Variants in ELFN1 observed in about 807,000 individuals in gnomAD.
The protein encoded by ELFN1 is extracellular leucine rich repeat and fibronectin type III domain containing 1.
A neutral mutation model predicts 7.6 loss-of-function variants in ELFN1; 6 were observed. The observed-to-expected ratio is 0.79, with a 90% CI of 0.43 to 1.56. The LOEUF is 1.56. ELFN1 is among the 40% of genes most tolerant of loss of function. The pLI, the probability that ELFN1 is intolerant of heterozygous loss-of-function variation, is 0.01. For missense variants in ELFN1, 1,169 were observed against 1,232.2 expected (o/e 0.95, Z 0.77); for synonymous variants, 657 against 588.1 (o/e 1.12, Z -1.70).
At chr7:1,698,264 A>G (rs942768880) in intron 2 of ELFN1, among the ~76,000 whole-genome samples, 1 of 152,246 alleles carries the variant, frequency 6.6e-6, no homozygotes, top group Non-Finnish European at 1.5e-5. Context: ...TCAAATTTAC[A>G]GCTCTCATAT....
chr7:1,743,136 C>T lies in ELFN1; in HGVS notation c.-293-1168C>T, dbSNP rs544896390. Among the ~76,000 whole-genome samples the T allele has an allele frequency of 3.3e-5, 5 of 152,280 alleles. No individual in the cohort carries two copies. In the East Asian group the frequency reaches 9.7e-4, roughly 29 times the overall value. On this transcript the variant is annotated intron_variant, in intron 3 of 3. Coordinates refer to ENST00000424383, the MANE Select transcript of ELFN1 (RefSeq NM_001128636.4). Reference sequence around the variant, plus strand: ...GAGCCCAGCGGGATGCCTCGCTCCCCGGACGTACCTCCAGCCCCGTCTGCA... The same window carrying T: ...GAGCCCAGCGGGATGCCTCGCTCCCTGGACGTACCTCCAGCCCCGTCTGCA...
intron 1 of ELFN1, among the ~76,000 whole-genome samples, chr7:1,682,108 T>G (rs1030328159): frequency 6.6e-6 from 1 of 152,226 alleles, no homozygotes; most frequent in Admixed American, 6.5e-5. Flanking sequence ...ATTTTTTAAC[T>G]TATTATAAAG....
chr7:1,682,502 A>G (rs974184479), intron 1 of ELFN1, among the ~76,000 whole-genome samples: 6 of 151,922 alleles, frequency 3.9e-5, no homozygotes, highest in African/African-American at 1.5e-4. Flanking sequence ...GTGCAGCGGT[A>G]TGATCACAGC....
chr7:1,727,199 G>A (rs1378944862), intron 3 of ELFN1, among the ~76,000 whole-genome samples: 3 of 152,232 alleles, frequency 2.0e-5, no homozygotes, highest in Non-Finnish European at 4.4e-5. Flanking sequence ...GAATGAATGA[G>A]CACACGAGGG....
chr7:1,681,327 C>T (rs935890073), intron 1 of ELFN1, among the ~76,000 whole-genome samples: 7 of 151,322 alleles, frequency 4.6e-5, no homozygotes, highest in African/African-American at 1.7e-4. Flanking sequence ...TGGGCAGCTT[C>T]CTGGAAGGAG....
Position 1,745,282 on chromosome 7 carries a change from A to G in ELFN1, c.686A>G (p.Tyr229Cys). Reference sequence around the variant, plus strand: ...GAGTCGCCGCCCGTCTACTCCGGCTACTACCTCCTGGGCCAGGGCCGCCGC... The same window carrying G: ...GAGTCGCCGCCCGTCTACTCCGGCTGCTACCTCCTGGGCCAGGGCCGCCGC... ...QCESPPVYSG[Y>C]YLLGQGRRGH... Residue 229 changes from tyrosine to cysteine, a missense_variant, in exon 4 of 4, where the codon TAC becomes TGC. Tyr to Cys is a radical substitution (Grantham distance 194). Around this residue, in one of 2 missense-constraint regions of ELFN1, gnomAD observed 255 missense variants for 359.6 expected, o/e 0.71. Transcript: ENST00000424383. The G allele has an allele frequency of 1.3e-6, 2 of 1,538,662 alleles. No homozygotes were observed. The highest frequency in any genetic ancestry group is 1.7e-6 in the Non-Finnish European group (2 of 1,146,820).
chr7:1,731,123 G>A (rs1212094823), intron 3 of ELFN1, among the ~76,000 whole-genome samples: 1 of 152,068 alleles, frequency 6.6e-6, no homozygotes, highest in Non-Finnish European at 1.5e-5. Context: ...GAGAAATTTA[G>A]GATCATTATG....
At chr7:1,685,153 TC>T (rs1331250502) in intron 1 of ELFN1, among the ~76,000 whole-genome samples, 2 of 152,204 alleles carry the variant, frequency 1.3e-5, no homozygotes, top group African/African-American at 4.8e-5. Context: ...TCCACCACCT[TC>T]TTTCCTCCAT....
chr7:1,681,925 C>T (rs1778982355), intron 1 of ELFN1, among the ~76,000 whole-genome samples: 1 of 152,144 alleles, frequency 6.6e-6, no homozygotes. Context: ...AAATCTCTTG[C>T]CCATATTTAA....
intron 3 of ELFN1, among the ~76,000 whole-genome samples, chr7:1,714,482 A>C (rs11765505): frequency 0.3 from 46,333 of 152,150 alleles, 8,346 homozygotes; most frequent in African/African-American, 0.5. Flanking sequence ...AAAAGGGAAG[A>C]TTTATAGCAC....
rs1778737980 is a variant in ELFN1 at position 1,670,305 on chromosome 7, G to GGAC, written c.-596_-594dup. On this transcript the variant is annotated 5_prime_UTR_variant, in exon 1 of 4. Transcript: ENST00000424383. This position sits in a 1 kb window ranked among gnomAD's most constrained non-coding sequence, Gnocchi z 6.4. ...CCCGGGAGCGAAGTTAGAGCTTGAA[G>GGAC]GACGGCGGCGGCTGCGGGCGCAGCC... Among the ~76,000 whole-genome samples the GGAC allele has an allele frequency of 6.6e-6, 1 of 151,908 alleles. No homozygotes were observed. Among genetic ancestry groups the GGAC allele is most frequent in the South Asian group, 2.1e-4 (1 of 4,830 alleles).
chr7:1,729,103 C>T (rs1780270331), intron 3 of ELFN1, among the ~76,000 whole-genome samples: 1 of 152,232 alleles, frequency 6.6e-6, no homozygotes, highest in South Asian at 2.1e-4. Context: ...TCCTCTGGCC[C>T]TCACACCACA....
chr7:1,669,989 G>T (rs1461599199), upstream of ELFN1, among the ~76,000 whole-genome samples: 1 of 150,212 alleles, frequency 6.7e-6, no homozygotes, highest in Admixed American at 6.6e-5. Context: ...GCGCGTCGCC[G>T]GGAGAGGGAA....
chr7:1,746,848 C>T lies in ELFN1; in HGVS notation c.2252C>T (p.Ser751Leu), dbSNP rs374274179. 5 of 1,537,650 alleles carry T rather than the reference C, an allele frequency of 3.3e-6. No individual in the cohort carries two copies. The highest frequency in any genetic ancestry group is 4.9e-5 in the East Asian group (2 of 40,416). ...CCGCGGCCCCGCGACCTCGCCTACT[C>T]GCAGCTGTCCCCGCAGTACCACAGC... is the stretch of plus-strand genomic sequence containing the variant. The part of the protein sequence containing the change: ...TRPRPRDLAY[S>L]QLSPQYHSLS... Residue 751 changes from serine to leucine, a missense_variant, in exon 4 of 4, where the codon TCG becomes TTG. Transcript: ENST00000424383.
chr7:1,745,476 T>G lies in ELFN1; in HGVS notation c.880T>G (p.Cys294Gly). ...PSDMPCADDE[C>G]FSGDGTTPLV... is the part of the protein sequence containing the mutation. ...TGACATGCCCTGTGCCGATGATGAG[T>G]GCTTCTCCGGGGACGGCACCACGCC... The change falls in exon 4 of 4, where the codon TGC becomes GGC. Residue 294 changes from cysteine (C) to glycine (G), a missense_variant. Transcript: ENST00000424383. The G allele has an allele frequency of 6.5e-7, 1 of 1,542,150 alleles. No homozygotes were observed. Among genetic ancestry groups the G allele is most frequent in the Non-Finnish European group, 8.7e-7 (1 of 1,146,668 alleles).
upstream of ELFN1, among the ~76,000 whole-genome samples, chr7:1,667,010 G>A (rs539739935): frequency 6.6e-6 from 1 of 151,964 alleles, no homozygotes; most frequent in African/African-American, 2.4e-5. The surrounding 1 kb of genome is among the most constrained non-coding windows in gnomAD (Gnocchi z 8.2). Context: ...GCTGCCGAGT[G>A]GGGCGGGACC....
Position 1,673,149 on chromosome 7 carries a change from G to A in ELFN1, c.-549+2795G>A, listed in dbSNP as rs1456656773. ...TTGGTTTCTTCCAGCACAAGCTCAGGTGTCAAGTGGCCTTGGGTGGGTGTT... is the reference window on the plus strand; with the variant it reads ...TTGGTTTCTTCCAGCACAAGCTCAGATGTCAAGTGGCCTTGGGTGGGTGTT... On this transcript the variant is annotated intron_variant, in intron 1 of 3. Transcript: ENST00000424383. This position sits in a 1 kb window ranked among gnomAD's most constrained non-coding sequence, Gnocchi z 4.7. Among the ~76,000 whole-genome samples the A allele has an allele frequency of 6.6e-6, 1 of 151,956 alleles. No individual in the cohort carries two copies. Among genetic ancestry groups the A allele is most frequent in the African/African-American group, 2.4e-5 (1 of 41,410 alleles).
intron 3 of ELFN1, among the ~76,000 whole-genome samples, chr7:1,727,279 C>T (rs534397712): frequency 4.4e-4 from 67 of 152,326 alleles, no homozygotes; most frequent in African/African-American, 1.3e-3. Context: ...TTGCTCTTCT[C>T]CCTGGGGTAG....
At chr7:1,703,569 G>C (rs988607875) in intron 2 of ELFN1, among the ~76,000 whole-genome samples, 10 of 152,114 alleles carry the variant, frequency 6.6e-5, no homozygotes, top group African/African-American at 2.4e-4. Flanking sequence ...TGTGAAGTGA[G>C]GAGTTAATTG....
Sources: allele counts gnomAD v4.1 joint callset (sites outside exome capture counted in the v4.1 genomes callset), GRCh38; gene constraint gnomAD v4.1.1; regional missense constraint gnomAD v4.1.1; non-coding constraint Gnocchi (gnomAD v3.1); transcripts MANE v1.5; gene names NCBI Gene and HGNC (gene_info 2026-07-23, HGNC 2026-07-21).